Variants in CCDC171 observed in about 807,000 individuals in gnomAD.
CCDC171 encodes coiled-coil domain containing 171, also known as coiled-coil domain-containing protein 171.
Under a neutral mutation model 168.2 loss-of-function variants are expected in CCDC171, and 177 were observed. That is an observed-to-expected ratio of 1.05 (90% confidence interval 0.93 to 1.19). CCDC171 has a LOEUF of 1.19. Ranked by LOEUF, CCDC171 falls within the 50% of genes most tolerant of loss-of-function variation. The pLI is 0.00. For synonymous variants in CCDC171, 687 were observed against 540.8 expected (o/e 1.27, Z -3.75); for missense variants, 1,991 against 1,539.0 (o/e 1.29, Z -4.91).
chr9:15,924,008 T>A (rs1035799000), intron 25 of CCDC171, among the ~76,000 whole-genome samples: 22 of 151,504 alleles, frequency 1.5e-4, no homozygotes, highest in African/African-American at 5.3e-4. Context: ...TCCAAAGGCA[T>A]GTATATAGAT....
At chr9:15,666,038 C>A in intron 8 of CCDC171, 125 bp from the exon 9 acceptor site, 1 of 784,762 alleles carries the variant, frequency 1.3e-6, no homozygotes, top group Non-Finnish European at 2.0e-6. Context: ...CTTTTTTAAG[C>A]CAAAGCAGAA....
intron 7 of CCDC171, among the ~76,000 whole-genome samples, chr9:15,644,660 G>A (rs981412902): frequency 6.6e-6 from 1 of 152,226 alleles, no homozygotes; most frequent in African/African-American, 2.4e-5. Context: ...ACAGCAGTCT[G>A]AGATCCAACT....
chr9:16,091,725 G>A, the CCDC171 span, among the ~76,000 whole-genome samples: 91 of 152,326 alleles, frequency 6.0e-4, no homozygotes, highest in African/African-American at 2.1e-3. Flanking sequence ...CTGAGTGCCT[G>A]GAGTCTACCT....
chr9:16,091,909 T>A, the CCDC171 span, among the ~76,000 whole-genome samples: 1 of 152,224 alleles, frequency 6.6e-6, no homozygotes, highest in African/African-American at 2.4e-5. Context: ...GTCATCACTT[T>A]CTAAAAAATG....
chr9:16,004,866 C>G (rs1002991169), intron 3 of CCDC171, among the ~76,000 whole-genome samples: 10 of 152,022 alleles, frequency 6.6e-5, no homozygotes, highest in African/African-American at 2.4e-4. Flanking sequence ...TCCCTGGAGG[C>G]CCTTAACATT....
chr9:15,828,098 A>G (rs2060088700), intron 21 of CCDC171, among the ~76,000 whole-genome samples: 1 of 152,190 alleles, frequency 6.6e-6, no homozygotes, highest in African/African-American at 2.4e-5. Flanking sequence ...GCTAACAACA[A>G]AGAGATAGGG....
At chr9:15,602,484 G>T (rs1015015725) in intron 6 of CCDC171, among the ~76,000 whole-genome samples, 10 of 151,830 alleles carry the variant, frequency 6.6e-5, no homozygotes, top group Non-Finnish European at 1.2e-4. Flanking sequence ...ACCATAAAAA[G>T]AAAATCTCAA....
chr9:15,871,872 G>C (rs1164872380), intron 23 of CCDC171, among the ~76,000 whole-genome samples: 1 of 151,830 alleles, frequency 6.6e-6, no homozygotes, highest in African/African-American at 2.4e-5. Context: ...TAGTGTCACT[G>C]TTTTGGATTC....
chr9:15,930,166 T>G (rs1408737510), intron 25 of CCDC171, among the ~76,000 whole-genome samples: 2 of 151,718 alleles, frequency 1.3e-5, no homozygotes, highest in African/African-American at 4.8e-5. Context: ...GTCACTCATT[T>G]CATAATATTT....
intron 21 of CCDC171, among the ~76,000 whole-genome samples, chr9:15,826,984 A>T (rs921942165): frequency 3.3e-5 from 5 of 152,234 alleles, no homozygotes; most frequent in African/African-American, 1.2e-4. Flanking sequence ...GAATGAAGAA[A>T]AAAATGCTAA....
At chr9:15,777,536 C>A in intron 18 of CCDC171, 64 bp from the exon 19 acceptor site, 1 of 846,698 alleles carries the variant, frequency 1.2e-6, no homozygotes, top group Non-Finnish European at 1.9e-6. Flanking sequence ...ATGTGATTAG[C>A]AGTGTTGTGA....
chr9:15,860,936 A>ATGTGTGTGTGTGTGTGTG (rs770617574), intron 23 of CCDC171, among the ~76,000 whole-genome samples: 24,654 of 143,864 alleles, frequency 0.17, 2,433 homozygotes, highest in African/African-American at 0.24. Context: ...GTTGTTAGGG[A>ATGTGTGTGTGTGTGTGTG]TGTGTGTGTG....
chr9:15,673,598 G>C (rs956673208), intron 9 of CCDC171, among the ~76,000 whole-genome samples: 2 of 152,120 alleles, frequency 1.3e-5, no homozygotes, highest in Admixed American at 6.5e-5. Context: ...TGCATCTATT[G>C]AGATAATCAT....
intron 3 of CCDC171, among the ~76,000 whole-genome samples, chr9:15,576,280 C>G (rs2040657789): frequency 6.6e-6 from 1 of 151,818 alleles, no homozygotes; most frequent in African/African-American, 2.4e-5. Flanking sequence ...AACTCCTGGG[C>G]TCAAGTGATT....
intron 21 of CCDC171, among the ~76,000 whole-genome samples, chr9:15,792,863 A>C (rs1362181647): frequency 2.0e-5 from 3 of 152,180 alleles, no homozygotes; most frequent in East Asian, 1.9e-4. Flanking sequence ...CAGCCACTGC[A>C]AAAACATGCC....
At chr9:15,999,024 A>T (rs1832454179) in intron 3 of CCDC171, among the ~76,000 whole-genome samples, 1 of 152,066 alleles carries the variant, frequency 6.6e-6, no homozygotes, top group African/African-American at 2.4e-5. Context: ...AACCTCTATC[A>T]TTCAGAGAGA....
intron 7 of CCDC171, among the ~76,000 whole-genome samples, chr9:15,648,583 A>G (rs2047236103): frequency 6.6e-6 from 1 of 152,202 alleles, no homozygotes. Context: ...CAAAAATCAC[A>G]AGCATTCTTA....
chr9:15,931,204 A>C (rs532738344), intron 25 of CCDC171, among the ~76,000 whole-genome samples: 1 of 151,844 alleles, frequency 6.6e-6, no homozygotes, highest in Admixed American at 6.6e-5. Context: ...AACCCTACCA[A>C]CAGTGTGTAA....
At chr9:15,873,595 C>G (rs1262611392) in intron 23 of CCDC171, among the ~76,000 whole-genome samples, 3 of 152,022 alleles carry the variant, frequency 2.0e-5, no homozygotes, top group Non-Finnish European at 4.4e-5. Flanking sequence ...GTATTGAAAA[C>G]TCCTATTATT....
Sources: allele counts gnomAD v4.1 joint callset (sites outside exome capture counted in the v4.1 genomes callset), GRCh38; gene constraint gnomAD v4.1.1; transcripts MANE v1.5; gene names NCBI Gene and HGNC (gene_info 2026-07-23, HGNC 2026-07-21).